The following SLC9A8 variants were observed in gnomAD, a reference collection of about 807,000 sequenced individuals.
SLC9A8 encodes the protein solute carrier family 9 member A8, also known as sodium/hydrogen exchanger 8.
A neutral mutation model predicts 66.6 loss-of-function variants in SLC9A8; 48 were observed. The ratio of observed to expected loss-of-function variants is 0.72; its 90% confidence interval spans 0.57 to 0.92. The LOEUF is 0.92. SLC9A8 is among the 40% of genes least tolerant of loss of function. The probability of loss-of-function intolerance (pLI) is 0.00; values close to 1 mark genes in which losing one functional copy is unlikely to be tolerated. For missense variants in SLC9A8, 599 were observed against 747.3 expected, an observed-to-expected ratio of 0.80 and a Z score of 2.31; for synonymous variants, 274 against 282.6, an observed-to-expected ratio of 0.97 and a Z score of 0.31.
chr20:49,845,227 T>C, intron 5 of SLC9A8, 108 bp downstream of exon 5: 1 of 779,530 alleles, frequency 1.3e-6, no homozygotes, highest in East Asian at 2.6e-5. Context: ...CAGCAGCAGC[T>C]CTGCTCCTTC....
chr20:49,882,305 C>G (rs539951478), intron 13 of SLC9A8, among the ~76,000 whole-genome samples: 1 of 152,242 alleles, frequency 6.6e-6, no homozygotes, highest in East Asian at 1.9e-4. Context: ...AGTGACCTCC[C>G]GCAGCCAGAC....
In SLC9A8 at chr20:49,876,158, C is replaced by T. The variant is rs1016457918; in HGVS notation, c.1075+1337C>T. The stretch of plus-strand genomic sequence containing the variant: ...GTGAGGAGTAGTCACATGACTTGCC[C>T]ATGGTCTCATGGCCAAGAAGTGGGT... On this transcript the variant is annotated intron_variant, in intron 11 of 15. Transcript: ENST00000361573. Among the ~76,000 whole-genome samples the T allele has an allele frequency of 1.9e-4, 29 of 152,276 alleles. 1 individual carries two copies. The highest frequency in any genetic ancestry group is 9.8e-4 in the Admixed American group (15 of 15,296).
intron 4 of SLC9A8, 21 bp downstream of exon 4, chr20:49,839,620 T>C: frequency 6.4e-7 from 1 of 1,551,850 alleles, no homozygotes; most frequent in Non-Finnish European, 8.9e-7. Context: ...CCTTTGGTTG[T>C]TCTTAATTTT....
At chr20:49,875,795 C>T (rs1013356682) in intron 11 of SLC9A8, among the ~76,000 whole-genome samples, 1 of 151,744 alleles carries the variant, frequency 6.6e-6, no homozygotes, top group African/African-American at 2.4e-5. Flanking sequence ...GGTGCAGTGG[C>T]GTGATCTCAG....
intron 9 of SLC9A8, chr20:49,863,912 A>T (rs2088853116): frequency 6.6e-6 from 1 of 152,258 alleles, no homozygotes; most frequent in African/African-American, 2.4e-5. Flanking sequence ...GGTTACAGGC[A>T]TGTTTTTCTG....
chr20:49,839,944 A>G (rs2087694965), intron 4 of SLC9A8, among the ~76,000 whole-genome samples: 1 of 152,182 alleles, frequency 6.6e-6, no homozygotes, highest in Admixed American at 6.5e-5. Flanking sequence ...CATTTTGACA[A>G]CTGAGGATAA....
intron 2 of SLC9A8, 124 bp from the exon 3 acceptor site, chr20:49,822,937 G>T: frequency 1.3e-6 from 1 of 746,336 alleles, no homozygotes; most frequent in Non-Finnish European, 2.4e-6. Context: ...GAAGTTCACT[G>T]TGTTATTCCA....
intron 3 of SLC9A8, among the ~76,000 whole-genome samples, chr20:49,827,699 C>T (rs552318368): frequency 9.2e-4 from 139 of 151,808 alleles, no homozygotes; most frequent in African/African-American, 3.2e-3. Context: ...TTTCCCCCAA[C>T]CCCAAAAATC....
chr20:49,828,693 C>T (rs1363292649), intron 3 of SLC9A8, among the ~76,000 whole-genome samples: 1 of 151,498 alleles, frequency 6.6e-6, no homozygotes, highest in Non-Finnish European at 1.5e-5. Flanking sequence ...ACAAAAATTA[C>T]CCAAGCATGG....
Position 49,823,144 on chromosome 20 carries a change from A to ATTT in SLC9A8, c.289+3_289+4insTTT. On this transcript the variant is annotated splice_donor_region_variant and intron_variant, in intron 3 of 15. Coordinates refer to ENST00000361573, the MANE Select transcript of SLC9A8 (RefSeq NM_015266.3). ...GAGTGTTGCTGTTGTTTCTTTAGGTAAGTGTGTATTGGTGATTCCATAATA... is the reference window on the plus strand; with the variant it reads ...GAGTGTTGCTGTTGTTTCTTTAGGTATTTAGTGTGTATTGGTGATTCCATAATA... The ATTT allele has an allele frequency of 6.2e-7, 1 of 1,606,812 alleles. No homozygotes were observed. Among genetic ancestry groups the ATTT allele is most frequent in the Non-Finnish European group, 8.5e-7 (1 of 1,174,278 alleles).
intron 14 of SLC9A8, among the ~76,000 whole-genome samples, chr20:49,885,279 A>G (rs914327226): frequency 1.3e-5 from 2 of 152,210 alleles, no homozygotes; most frequent in Admixed American, 1.3e-4. Flanking sequence ...GCTGGGTCTC[A>G]CACCAGCATC....
intron 9 of SLC9A8, among the ~76,000 whole-genome samples, chr20:49,864,172 C>T (rs917058910): frequency 6.6e-6 from 1 of 152,124 alleles, no homozygotes; most frequent in Non-Finnish European, 1.5e-5. Context: ...ATAGAAGGCT[C>T]TCTCCTTTCA....
intron 10 of SLC9A8, among the ~76,000 whole-genome samples, chr20:49,866,050 C>T (rs1357888385): frequency 1.3e-5 from 2 of 152,186 alleles, no homozygotes; most frequent in Non-Finnish European, 2.9e-5. Flanking sequence ...TCATAACTAC[C>T]CCCACAGTCG....
chr20:49,881,168 C>G (rs2089613383), intron 13 of SLC9A8, 133 bp downstream of exon 13: 1 of 648,700 alleles, frequency 1.5e-6, no homozygotes, highest in African/African-American at 1.8e-5. Flanking sequence ...TAATGGCACC[C>G]ACTGCAATCA....
chr20:49,879,527 G>A (rs1341684289), intron 12 of SLC9A8, among the ~76,000 whole-genome samples: 1 of 152,208 alleles, frequency 6.6e-6, no homozygotes, highest in Non-Finnish European at 1.5e-5. Flanking sequence ...TTTGATGATT[G>A]GAAACATTTA....
intron 12 of SLC9A8, among the ~76,000 whole-genome samples, chr20:49,880,667 G>A (rs752544586): frequency 4.1e-4 from 63 of 152,232 alleles, no homozygotes; most frequent in Non-Finnish European, 6.9e-4. Flanking sequence ...TACCTCGTCC[G>A]TCCTCTCTTT....
chr20:49,858,097 C>T (rs1056059766), intron 8 of SLC9A8, among the ~76,000 whole-genome samples: 16 of 152,168 alleles, frequency 1.1e-4, no homozygotes, highest in African/African-American at 2.7e-4. Context: ...TAGGCTTATA[C>T]CCCAAATATT....
intron 3 of SLC9A8, chr20:49,830,095 G>A: frequency 1.3e-6 from 1 of 745,532 alleles, no homozygotes; most frequent in Non-Finnish European, 2.5e-6. Flanking sequence ...ATCATTTCCT[G>A]CTAAGCCAAA....
chr20:49,883,558 G>A (rs542158749), intron 13 of SLC9A8, among the ~76,000 whole-genome samples: 1 of 152,278 alleles, frequency 6.6e-6, no homozygotes, highest in African/African-American at 2.4e-5. Context: ...TCCAAGACAC[G>A]AGCATCAGGC....
Sources: allele counts gnomAD v4.1 joint callset (sites outside exome capture counted in the v4.1 genomes callset), GRCh38; gene constraint gnomAD v4.1.1; transcripts MANE v1.5; gene names NCBI Gene and HGNC (gene_info 2026-07-23, HGNC 2026-07-21).